CRBN: variants seen among roughly 807,000 people sequenced by gnomAD.
CRBN encodes the protein cereblon.
In CRBN, 53 loss-of-function variants were observed where a neutral mutation model predicts 62.2. That is an observed-to-expected ratio of 0.85 (90% CI 0.68 to 1.07). The LOEUF (loss-of-function observed/expected upper bound fraction) is 1.07, where lower values mean the gene tolerates loss of function less well. Among genes scored for constraint, CRBN ranks in the 50% least tolerant of loss-of-function variants. The pLI is 0.00. For missense variants in CRBN, 616 were observed against 531.1 expected, an observed-to-expected ratio of 1.16 and a Z score of -1.57; for synonymous variants, 208 against 176.1, an observed-to-expected ratio of 1.18 and a Z score of -1.43.
At chr3:3,172,987 TAGGCAAAGC>T in intron 3 of CRBN, 62 bp from the exon 4 acceptor site, 4 of 1,265,316 alleles carry the variant, frequency 3.2e-6, no homozygotes, top group Non-Finnish European at 4.6e-6. Context: ...ATATGCAAAG[TAGGCAAAGC>T]AATAAATACA....
intron 2 of CRBN, 43 bp downstream of exon 2, chr3:3,175,119 TA>T (rs1190756225): frequency 8.0e-7 from 1 of 1,254,200 alleles, no homozygotes; most frequent in Non-Finnish European, 1.2e-6. Context: ...TATCTACATT[TA>T]AATGTATATC....
In CRBN at chr3:3,175,271, T is replaced by C; in HGVS notation, c.68-2A>G. ...TTTCATCTTCTTCCTCACTCTCTGC[T>C]ATAAAAGTAGAATATTGTAAGAAAA... On this transcript the variant is annotated splice_acceptor_variant, in intron 1 of 10. Transcript: ENST00000231948. LOFTEE classifies it high-confidence loss of function. 1.3e-6 allele frequency: 2 copies of C among 1,582,434 alleles called. No homozygotes were observed. Among genetic ancestry groups the C allele is most frequent in the Non-Finnish European group, 1.7e-6 (2 of 1,152,060 alleles).
chr3:3,151,684 TA>T (rs1706562566), intron 10 of CRBN, among the ~76,000 whole-genome samples: 1 of 152,172 alleles, frequency 6.6e-6, no homozygotes, highest in African/African-American at 2.4e-5. Flanking sequence ...GGGTGCCAAG[TA>T]AGATAGGGCA....
At chr3:3,165,140 C>G (rs1707279334) in intron 5 of CRBN, among the ~76,000 whole-genome samples, 1 of 152,136 alleles carries the variant, frequency 6.6e-6, no homozygotes, top group African/African-American at 2.4e-5. Flanking sequence ...GACTGAATTG[C>G]TGTGATCTCA....
intron 5 of CRBN, among the ~76,000 whole-genome samples, chr3:3,158,327 TGC>T (rs1280645455): frequency 1.3e-5 from 2 of 152,188 alleles, no homozygotes; most frequent in Non-Finnish European, 2.9e-5. Flanking sequence ...CCACCGGCTG[TGC>T]GTCCCGGTTC....
chr3:3,150,785 T>C lies in CRBN; in HGVS notation c.*80A>G, dbSNP rs1222310280. ...TATTAATGTTATGTTTACTTAGGTA[T>C]GTATCAGAGGCAATAATTTCCAAAG... On this transcript the variant is annotated 3_prime_UTR_variant, in exon 11 of 11. Coordinates refer to ENST00000231948, the MANE Select transcript of CRBN (RefSeq NM_016302.4). The C allele has an allele frequency of 1.5e-6, 2 of 1,325,844 alleles. No homozygotes were observed. The highest frequency in any genetic ancestry group is 3.8e-5 in the Admixed American group (2 of 52,044). The allele number at this position is 1,325,844 out of a possible 1,614,324, so 82.1% of individuals were successfully genotyped here.
intron 5 of CRBN, among the ~76,000 whole-genome samples, chr3:3,164,466 C>G (rs1707250308): frequency 6.6e-6 from 1 of 152,214 alleles, no homozygotes; most frequent in Non-Finnish European, 1.5e-5. Context: ...GTCCCTAAGT[C>G]TCCTTTCAGG....
intron 1 of CRBN, 56 bp downstream of exon 1, chr3:3,179,565 A>G: frequency 6.4e-7 from 1 of 1,552,750 alleles, no homozygotes; most frequent in Middle Eastern, 1.7e-4. Flanking sequence ...CTGCACCGCT[A>G]GCGGCTCCGA....
chr3:3,149,983 A>G (rs1331788229), downstream of CRBN: 1 of 152,160 alleles, frequency 6.6e-6, no homozygotes, highest in African/African-American at 2.4e-5. Flanking sequence ...ATGAGTAGAT[A>G]TTTTACATTA....
intron 7 of CRBN, 199 bp from the exon 8 acceptor site, chr3:3,154,274 CTTTT>C: frequency 1.8e-6 from 1 of 569,318 alleles, no homozygotes; most frequent in Non-Finnish European, 3.1e-6. Context: ...TTTTCTTATA[CTTTT>C]TTTGGTAAAA....
intron 1 of CRBN, among the ~76,000 whole-genome samples, chr3:3,176,318 A>AT (rs1707821559): frequency 6.6e-6 from 1 of 152,246 alleles, no homozygotes. Context: ...CAGTTCCTAC[A>AT]TAAGTAAGAA....
chr3:3,165,593 G>T (rs1431346182), intron 5 of CRBN, among the ~76,000 whole-genome samples: 1 of 152,092 alleles, frequency 6.6e-6, no homozygotes, highest in African/African-American at 2.4e-5. Flanking sequence ...TTTATTTAAG[G>T]TATGTACACT....
intron 10 of CRBN, 33 bp downstream of exon 10, chr3:3,152,419 AAAAG>A (rs1311898488): frequency 1.3e-6 from 2 of 1,588,522 alleles, no homozygotes; most frequent in Admixed American, 3.6e-5. Flanking sequence ...TTAAGGTAAA[AAAAG>A]AAAAAAAAAA....
At chr3:3,174,732 CTAACTT>C (rs1431795834) in intron 2 of CRBN, among the ~76,000 whole-genome samples, 1 of 152,156 alleles carries the variant, frequency 6.6e-6, no homozygotes, top group African/African-American at 2.4e-5. Context: ...AATTTTTAAT[CTAACTT>C]TAACTCTTAG....
intron 1 of CRBN, among the ~76,000 whole-genome samples, chr3:3,178,008 CAAAACAAACAAAAAA>C (rs1448875649): frequency 7.1e-6 from 1 of 140,704 alleles, no homozygotes; most frequent in Non-Finnish European, 1.5e-5. Context: ...AAAAACAAAA[CAAAACAAACAAAAAA>C]AAAACAAACA....
chr3:3,164,282 G>A (rs1216649912), intron 5 of CRBN, among the ~76,000 whole-genome samples: 1 of 152,216 alleles, frequency 6.6e-6, no homozygotes, highest in African/African-American at 2.4e-5. Context: ...TGTCAAAGCT[G>A]AAAGAGGCCA....
intron 5 of CRBN, among the ~76,000 whole-genome samples, chr3:3,157,348 G>A (rs779569488): frequency 1.3e-5 from 2 of 152,040 alleles, no homozygotes; most frequent in Non-Finnish European, 2.9e-5. Flanking sequence ...ACCTACATAC[G>A]TACAAATCTT....
At chr3:3,160,790 C>T (rs766099603) in intron 5 of CRBN, among the ~76,000 whole-genome samples, 1 of 152,068 alleles carries the variant, frequency 6.6e-6, no homozygotes, top group Admixed American at 6.6e-5. Flanking sequence ...ACATTAACAA[C>T]AATATGATGA....
intron 4 of CRBN, among the ~76,000 whole-genome samples, chr3:3,169,469 C>T (rs906307933): frequency 2.3e-4 from 8 of 34,244 alleles, no homozygotes; most frequent in African/African-American, 2.9e-4. Flanking sequence ...GTACAGACTA[C>T]TCTAATAGGA....
Sources: allele counts gnomAD v4.1 joint callset (sites outside exome capture counted in the v4.1 genomes callset), GRCh38; gene constraint gnomAD v4.1.1; transcripts MANE v1.5; gene names NCBI Gene and HGNC (gene_info 2026-07-23, HGNC 2026-07-21).